Variants in PCNT observed in about 807,000 individuals in gnomAD.
The protein encoded by PCNT is pericentrin, also known as kendrin.
Under a neutral mutation model 380.4 loss-of-function variants are expected in PCNT, and 319 were observed. The observed-to-expected ratio is 0.84, with a 90% CI of 0.77 to 0.92. The LOEUF (loss-of-function observed/expected upper bound fraction) is 0.92, where lower values mean the gene tolerates loss of function less well. Ranked by LOEUF, PCNT falls within the 40% of genes least tolerant of loss-of-function variation. The pLI, the probability that PCNT is intolerant of heterozygous loss-of-function variation, is 0.00. For synonymous variants in PCNT, 1,845 were observed against 1,735.2 expected (o/e 1.06, Z -1.57); for missense variants, 4,400 against 4,255.3 (o/e 1.03, Z -0.95).
At chr21:46,391,456 A>C in intron 21 of PCNT, 80 bp downstream of exon 21, 1 of 1,172,998 alleles carries the variant, frequency 8.5e-7, no homozygotes, top group East Asian at 2.6e-5. Context: ...GCTCCCAAGG[A>C]CACTCAGTGT....
intron 15 of PCNT, among the ~76,000 whole-genome samples, chr21:46,368,351 G>A (rs988532731): frequency 1.3e-4 from 20 of 152,026 alleles, no homozygotes; most frequent in Admixed American, 1.2e-3. Flanking sequence ...GGGAGGCTGA[G>A]GCAGGAGAAT....
At chr21:46,344,503 C>G (rs970614265) in intron 3 of PCNT, among the ~76,000 whole-genome samples, 12 of 152,368 alleles carry the variant, frequency 7.9e-5, no homozygotes, top group African/African-American at 2.6e-4. Context: ...CTCCGGGGGC[C>G]TTTCTAGCTT....
intron 24 of PCNT, among the ~76,000 whole-genome samples, chr21:46,399,346 G>A (rs1445619580): frequency 2.7e-5 from 4 of 148,398 alleles, no homozygotes; most frequent in Non-Finnish European, 6.0e-5. Context: ...CAGCCTGTGG[G>A]TCTAGGTCTC....
Position 46,425,863 on chromosome 21 carries a change from C to A in PCNT, c.7212C>A (p.His2404Gln). The A allele has an allele frequency of 6.2e-7, 1 of 1,613,762 alleles. No individual in the cohort carries two copies. The highest frequency in any genetic ancestry group is 8.5e-7 in the Non-Finnish European group (1 of 1,180,022). Residue 2404 changes from histidine (H) to glutamine (Q), a missense_variant, in exon 33 of 47, where the codon CAC (histidine) becomes CAA (glutamine). Transcript: ENST00000359568. The surrounding 1 kb of genome is among the most constrained non-coding windows in gnomAD (Gnocchi z 4.2). The part of the protein sequence containing the change: ...ALLQMVRDES[H>Q]QILALSEGLA... Reference sequence around the variant, plus strand: ...TGCAGATGGTGCGTGACGAGAGCCACCAGATCCTGGCGCTGTCAGAAGGCC... The same window carrying A: ...TGCAGATGGTGCGTGACGAGAGCCAACAGATCCTGGCGCTGTCAGAAGGCC...
Position 46,357,194 on chromosome 21 carries a change from G to A in PCNT, c.2154+3G>A, listed in dbSNP as rs753526099. The A allele has an allele frequency of 2.5e-6, 4 of 1,593,164 alleles. No individual in the cohort carries two copies. Among genetic ancestry groups the A allele is most frequent in the Non-Finnish European group, 8.6e-7 (1 of 1,160,844 alleles). ...GTCTGAAGGACGATTTGGAGAAGGT[G>A]AGTCGTGACTCCACAGCCCAGCGCC... On this transcript the variant is annotated splice_donor_region_variant and intron_variant, in intron 13 of 46. Transcript: ENST00000359568.
chr21:46,328,194 C>T (rs1179260535), intron 2 of PCNT, among the ~76,000 whole-genome samples: 1 of 151,702 alleles, frequency 6.6e-6, no homozygotes, highest in Non-Finnish European at 1.5e-5. Flanking sequence ...TGTTATTCTA[C>T]CTACAAATCC....
Position 46,326,561 on chromosome 21 carries a change from A to T in PCNT, c.239A>T (p.Asp80Val). 6.2e-7 allele frequency: 1 copy of T among 1,614,094 alleles called. No individual in the cohort carries two copies. The highest frequency in any genetic ancestry group is 8.5e-7 in the Non-Finnish European group (1 of 1,179,974). ...AGCACATCATGTGACGACACCCCTG[A>T]TGGGGCAGGAGGGGCCTTTGCAGCT... ...CKSTSCDDTP[D>V]GAGGAFAAQP... is the part of the protein sequence containing the mutation. Residue 80 changes from aspartate to valine, a missense_variant, in exon 2 of 47, where the codon GAT (aspartate) becomes GTT (valine). Transcript: ENST00000359568.
At chr21:46,395,159 A>T (rs879092156) in intron 21 of PCNT, among the ~76,000 whole-genome samples, 1 of 152,266 alleles carries the variant, frequency 6.6e-6, no homozygotes, top group Non-Finnish European at 1.5e-5. Flanking sequence ...ATCAACATTT[A>T]TTGAGAATGT....
intron 4 of PCNT, among the ~76,000 whole-genome samples, 155 bp downstream of exon 4, chr21:46,346,363 G>A (rs963089109): frequency 1.3e-5 from 2 of 152,316 alleles, no homozygotes; most frequent in African/African-American, 4.8e-5. Context: ...CAGCAGGGCC[G>A]GTGGAGGAGA....
rs1309833473 is a variant in PCNT, at chr21:46,388,242, G to A, written c.3465-500G>A. ...AAAAAAGACAGAAGCATCCCAGACC[G>A]CACGTCCACGAGGCCTAGCGAGAGG... On this transcript the variant is annotated intron_variant, in intron 17 of 46. Transcript: ENST00000359568. This position sits in a 1 kb window ranked among gnomAD's most constrained non-coding sequence, Gnocchi z 4.2. Among the ~76,000 whole-genome samples, 3 of 151,432 alleles carry A rather than the reference G, an allele frequency of 2.0e-5. No individual in the cohort carries two copies. The highest frequency in any genetic ancestry group is 6.6e-5 in the Admixed American group (1 of 15,204).
intron 21 of PCNT, chr21:46,394,575 T>C: frequency 2.8e-5 from 27 of 975,622 alleles, no homozygotes; most frequent in Non-Finnish European, 3.3e-5. Flanking sequence ...TGTGACGTGC[T>C]GTTTGTTTGC....
chr21:46,396,570 A>G (rs972326049), intron 21 of PCNT, among the ~76,000 whole-genome samples: 1 of 152,164 alleles, frequency 6.6e-6, no homozygotes, highest in Admixed American at 6.5e-5. Context: ...TTTGGAGGGG[A>G]CAGAAATTTA....
Position 46,346,759 on chromosome 21 carries a change from A to T in PCNT, c.737A>T (p.Glu246Val). 1 of 1,597,740 alleles carries T rather than the reference A, an allele frequency of 6.3e-7. No individual in the cohort carries two copies. Among genetic ancestry groups the T allele is most frequent in the Non-Finnish European group, 8.5e-7 (1 of 1,173,466 alleles). Reference sequence around the variant, plus strand: ...CCGCCGCAGGCCGTGCATGGCCTTGAGCTGGAGGCGCTGCGCCTGAGTCTG... The same window carrying T: ...CCGCCGCAGGCCGTGCATGGCCTTGTGCTGGAGGCGCTGCGCCTGAGTCTG... ...LHQSQAVHGL[E>V]LEALRLSLSN... Residue 246 changes from glutamate (E) to valine (V), a missense_variant, in exon 5 of 47, where the codon GAG (glutamate) becomes GTG (valine). Glu to Val is a moderately radical substitution (Grantham distance 121, BLOSUM62 -2). Coordinates refer to ENST00000359568, the MANE Select transcript of PCNT (RefSeq NM_006031.6).
At chr21:46,371,092 G>T (rs1481671631) in intron 15 of PCNT, among the ~76,000 whole-genome samples, 2 of 151,940 alleles carry the variant, frequency 1.3e-5, no homozygotes, top group Non-Finnish European at 2.9e-5. Context: ...GCATGGTGGT[G>T]CAGGCCTGTA....
chr21:46,382,575 T>TTCATGGTGTTGTGC (rs2085601780), intron 16 of PCNT, among the ~76,000 whole-genome samples: 1 of 131,462 alleles, frequency 7.6e-6, no homozygotes, highest in Non-Finnish European at 1.6e-5. Context: ...CGGTGTTGTA[T>TTCATGGTGTTGTGC]ATTCAGTGGC....
chr21:46,326,510 T>C lies in PCNT; in HGVS notation c.188T>C (p.Leu63Pro), dbSNP rs2083399290. The stretch of plus-strand genomic sequence containing the variant: ...CCGGTAACCAAGGAGGACAGCGCAC[T>C]CTGTGGAGGAGGGGACATTTGCAAA... ...ESPVTKEDSALCGGGDICKST... is the reference protein window; with the variant it reads ...ESPVTKEDSAPCGGGDICKST... Residue 63 changes from leucine (L) to proline (P), a missense_variant, in exon 2 of 47, where the codon CTC (leucine) becomes CCC (proline). By Grantham distance (98) the Leu-to-Pro change is moderately conservative. Coordinates refer to ENST00000359568, the MANE Select transcript of PCNT (RefSeq NM_006031.6). The C allele has an allele frequency of 6.2e-7, 1 of 1,614,194 alleles. No homozygotes were observed. Among genetic ancestry groups the C allele is most frequent in the East Asian group, 2.2e-5 (1 of 44,886 alleles).
At chr21:46,356,899 C>G (rs775979704) in intron 12 of PCNT, 75 bp from the exon 13 acceptor site, 12 of 1,272,404 alleles carry the variant, frequency 9.4e-6, no homozygotes, top group Non-Finnish European at 1.4e-5. Context: ...GGTTGCCGTT[C>G]TGCCTGTGCG....
At chr21:46,438,669 A>ATTTT (rs34152810) in intron 41 of PCNT, among the ~76,000 whole-genome samples, 1 of 127,580 alleles carries the variant, frequency 7.8e-6, no homozygotes, top group African/African-American at 2.9e-5. Context: ...GTGATTTATA[A>ATTTT]TTTTTTTTTT....
chr21:46,417,210 G>A (rs1418209688), intron 30 of PCNT, among the ~76,000 whole-genome samples: 1 of 13,958 alleles, frequency 7.2e-5, no homozygotes, highest in Non-Finnish European at 2.8e-4. Flanking sequence ...TTTTTTTTTT[G>A]TGAGATGGAG....
Sources: allele counts gnomAD v4.1 joint callset (sites outside exome capture counted in the v4.1 genomes callset), GRCh38; gene constraint gnomAD v4.1.1; non-coding constraint Gnocchi (gnomAD v3.1); transcripts MANE v1.5; gene names NCBI Gene and HGNC (gene_info 2026-07-23, HGNC 2026-07-21).